The following ARHGEF7 variants were observed in gnomAD, a reference collection of about 807,000 sequenced individuals.
ARHGEF7 encodes the protein Rho guanine nucleotide exchange factor 7.
In ARHGEF7, 33 loss-of-function variants were observed where a neutral mutation model predicts 109.8. The ratio of observed to expected loss-of-function variants is 0.30; its 90% CI spans 0.23 to 0.40. ARHGEF7 has a LOEUF of 0.40. Ranked by LOEUF, ARHGEF7 falls within the 10% of genes least tolerant of loss-of-function variation. The pLI is 1.00. For synonymous variants in ARHGEF7, 458 were observed against 424.6 expected, an observed-to-expected ratio of 1.08 and a Z score of -0.97; for missense variants, 938 against 1,098.5, an observed-to-expected ratio of 0.85 and a Z score of 2.07.
chr13:111,280,493 T>G (rs770018301), intron 14 of ARHGEF7, 45 bp from the exon 15 acceptor site: 1 of 1,579,056 alleles, frequency 6.3e-7, no homozygotes, highest in Non-Finnish European at 8.6e-7. Flanking sequence ...CACGTGCTTT[T>G]TACCTGTGTT....
chr13:111,178,364 T>G (rs2078376069), intron 2 of ARHGEF7, among the ~76,000 whole-genome samples: 1 of 152,234 alleles, frequency 6.6e-6, no homozygotes, highest in South Asian at 2.1e-4. Flanking sequence ...AAAAATAGCA[T>G]TCTTATCCAA....
At chr13:111,142,869 C>CG (rs1417550776) in intron 1 of ARHGEF7, among the ~76,000 whole-genome samples, 2 of 152,220 alleles carry the variant, frequency 1.3e-5, no homozygotes, top group African/African-American at 4.8e-5. Flanking sequence ...CCTAGGTGGC[C>CG]GGGTTCAGTC....
chr13:111,218,028 A>T, intron 5 of ARHGEF7, 148 bp downstream of exon 5: 1 of 779,358 alleles, frequency 1.3e-6, no homozygotes, highest in Non-Finnish European at 1.9e-6. Flanking sequence ...ATGGATTTTC[A>T]CCTCAGCCCC....
In ARHGEF7 at chr13:111,301,492, C is replaced by G; in HGVS notation, c.2426C>G (p.Thr809Ser). ...TCCTGTTTCAGGAGTCTTGTGGATA[C>G]CGTATATGCATTAAAGGATGAAGTT... The part of the protein sequence containing the change: ...TVIEEKSLVD[T>S]VYALKDEVQE... Residue 809 changes from threonine to serine, a missense_variant, in exon 21 of 22, where the codon ACC (threonine) becomes AGC (serine). Coordinates refer to ENST00000646102, the MANE Select transcript of ARHGEF7 (RefSeq NM_001354046.2). 6.2e-7 allele frequency: 1 copy of G among 1,613,032 alleles called. No individual in the cohort carries two copies. The highest frequency in any genetic ancestry group is 8.5e-7 in the Non-Finnish European group (1 of 1,179,192).
At position 111,255,570 on chromosome 13, in the gene ARHGEF7, G is replaced by C. The variant is rs1342256762; in HGVS notation, c.950+11276G>C. On this transcript the variant is annotated intron_variant, in intron 8 of 21. Transcript: ENST00000646102. This position sits in a 1 kb window ranked among gnomAD's most constrained non-coding sequence, Gnocchi z 4.1. ...TCTCCTGCAGCCTCTGTTCTGCCAGGGCCCTCCCTGTGCACCATTTATAAC... is the reference window on the plus strand; with the variant it reads ...TCTCCTGCAGCCTCTGTTCTGCCAGCGCCCTCCCTGTGCACCATTTATAAC... Among the ~76,000 whole-genome samples the C allele has an allele frequency of 1.3e-5, 2 of 152,144 alleles. No homozygotes were observed. The highest frequency in any genetic ancestry group is 3.8e-4 in the East Asian group (2 of 5,200).
At chr13:111,214,384 G>GC (rs1056548292) in intron 4 of ARHGEF7, among the ~76,000 whole-genome samples, 12 of 152,234 alleles carry the variant, frequency 7.9e-5, no homozygotes, top group Non-Finnish European at 1.3e-4. Context: ...TGCTGCGCCT[G>GC]CGTTGCTTTG....
At position 111,115,686 on chromosome 13, in the gene ARHGEF7, G is replaced by A; in HGVS notation, c.160G>A (p.Glu54Lys). 2.4e-6 allele frequency: 3 copies of A among 1,257,126 alleles called. No individual in the cohort carries two copies. Among genetic ancestry groups the A allele is most frequent in the South Asian group, 2.3e-5 (1 of 42,860 alleles). 77.9% of individuals were successfully genotyped at this position (1,257,126 alleles called of 1,614,324 possible). Residue 54 changes from glutamate to lysine, a missense_variant, in exon 1 of 22, where the codon GAG (glutamate) becomes AAG (lysine). By Grantham distance (56) the Glu-to-Lys change is moderately conservative. Coordinates refer to ENST00000646102, the MANE Select transcript of ARHGEF7 (RefSeq NM_001354046.2). ...LLERLLPGTIEKVYPEPRSES... is the reference protein window; with the variant it reads ...LLERLLPGTIKKVYPEPRSES... ...GGAGCGCCTGCTCCCCGGGACCATC[G>A]AGAAAGTAAGTCCCGGCCCGCGCCC...
chr13:111,301,499 T>C lies in ARHGEF7; in HGVS notation c.2433T>C (p.Tyr811=), dbSNP rs754450682. Residue 811 remains tyrosine (Y), a synonymous_variant, in exon 21 of 22, where the codon TAT becomes TAC. Transcript: ENST00000646102. ...IEEKSLVDTV[Y]ALKDEVQELR... ...TCAGGAGTCTTGTGGATACCGTATA[T>C]GCATTAAAGGATGAAGTTCAAGAAT... The C allele has an allele frequency of 1.1e-5, 18 of 1,613,340 alleles. No individual in the cohort carries two copies. Among genetic ancestry groups the C allele is most frequent in the Non-Finnish European group, 1.5e-5 (18 of 1,179,314 alleles).
Position 111,300,838 on chromosome 13 carries a change from T to C in ARHGEF7, c.2402T>C (p.Ile801Thr), listed in dbSNP as rs1318741166. The C allele has an allele frequency of 6.3e-6, 10 of 1,597,288 alleles. No homozygotes were observed. The highest frequency in any genetic ancestry group is 3.4e-5 in the Admixed American group (2 of 58,896). Reference sequence around the variant, plus strand: ...ACTAAAAGTAATGGTCAGACAGTGATAGAAGAAAAGTAAGATGTCTTCCGG... The same window carrying C: ...ACTAAAAGTAATGGTCAGACAGTGACAGAAGAAAAGTAAGATGTCTTCCGG... ...EETKSNGQTV[I>T]EEKSLVDTVY... Residue 801 changes from isoleucine (I) to threonine (T), a missense_variant, in exon 20 of 22, where the codon ATA becomes ACA. Around this residue, in one of 4 missense-constraint regions of ARHGEF7, gnomAD observed 166 missense variants for 167.3 expected, o/e 0.99. Transcript: ENST00000646102.
At chr13:111,274,416 T>C (rs2092360085) in intron 10 of ARHGEF7, among the ~76,000 whole-genome samples, 1 of 152,206 alleles carries the variant, frequency 6.6e-6, no homozygotes, top group Non-Finnish European at 1.5e-5. Context: ...TGTAGGGTCT[T>C]CTTCACGGCT....
chr13:111,260,102 C>G (rs2090923926), intron 8 of ARHGEF7, among the ~76,000 whole-genome samples: 1 of 152,020 alleles, frequency 6.6e-6, no homozygotes, highest in Non-Finnish European at 1.5e-5. Context: ...TGAAGCATGC[C>G]TACAAGATGT....
At chr13:111,178,829 C>G (rs2078429477) in intron 2 of ARHGEF7, among the ~76,000 whole-genome samples, 1 of 152,154 alleles carries the variant, frequency 6.6e-6, no homozygotes, top group African/African-American at 2.4e-5. Context: ...AAATGTCGGG[C>G]CGGTCAGAAG....
At chr13:111,166,548 C>T (rs2077146476) in intron 2 of ARHGEF7, among the ~76,000 whole-genome samples, 1 of 152,190 alleles carries the variant, frequency 6.6e-6, no homozygotes, top group African/African-American at 2.4e-5. Context: ...GTCCCGTCAG[C>T]ATAGGTAGCA....
intron 8 of ARHGEF7, chr13:111,265,847 T>C: frequency 2.4e-6 from 1 of 414,190 alleles, no homozygotes; most frequent in South Asian, 1.8e-5. Context: ...GCGGGTGCCT[T>C]GATCTTAGGC....
At chr13:111,161,986 A>G (rs2076781187) in intron 2 of ARHGEF7, among the ~76,000 whole-genome samples, 1 of 152,178 alleles carries the variant, frequency 6.6e-6, no homozygotes, top group Non-Finnish European at 1.5e-5. Context: ...TGCAATGGAC[A>G]TTTCTGTACC....
chr13:111,116,005 C>A (rs1327528412), intron 1 of ARHGEF7, among the ~76,000 whole-genome samples: 11 of 151,912 alleles, frequency 7.2e-5, no homozygotes, highest in African/African-American at 2.7e-4. Flanking sequence ...AGTTGCCCCT[C>A]CGCGTGGGGG....
chr13:111,245,918 A>G (rs2088762364), intron 8 of ARHGEF7, among the ~76,000 whole-genome samples: 1 of 152,252 alleles, frequency 6.6e-6, no homozygotes, highest in Admixed American at 6.5e-5. Context: ...ATGTTCCAAT[A>G]TCAAATGGCA....
intron 13 of ARHGEF7, among the ~76,000 whole-genome samples, chr13:111,279,027 T>C (rs1258304145): frequency 6.6e-6 from 1 of 152,242 alleles, no homozygotes; most frequent in Non-Finnish European, 1.5e-5. Flanking sequence ...GAACACTGGC[T>C]TTGGGGGATG....
At chr13:111,147,345 A>G (rs1036319419) in intron 1 of ARHGEF7, among the ~76,000 whole-genome samples, 1 of 152,212 alleles carries the variant, frequency 6.6e-6, no homozygotes, top group African/African-American at 2.4e-5. Flanking sequence ...ATCCTTGCCA[A>G]CACTTGATAT....
Sources: gnomAD v4.1 joint callset for allele counts (sites outside exome capture counted in the v4.1 genomes callset) on GRCh38, gnomAD v4.1.1 for gene constraint, gnomAD v4.1.1 regional missense constraint, Gnocchi (gnomAD v3.1) non-coding constraint, MANE v1.5 for transcripts, NCBI Gene and HGNC (gene_info 2026-07-23, HGNC 2026-07-21) for gene names.